Variants in IPO5 observed in about 807,000 individuals in gnomAD.
The protein encoded by IPO5 is importin 5, also known as importin-5.
A neutral mutation model predicts 143.3 loss-of-function variants in IPO5; 18 were observed. The ratio of observed to expected loss-of-function variants is 0.13; its 90% CI spans 0.09 to 0.19. IPO5 has a LOEUF of 0.19. IPO5 is among the 10% of genes least tolerant of loss of function. The pLI, the probability that IPO5 is intolerant of heterozygous loss-of-function variation, is 1.00. For missense variants in IPO5, 1,013 were observed against 1,336.9 expected, an observed-to-expected ratio of 0.76 and a Z score of 3.78; for synonymous variants, 477 against 465.7, an observed-to-expected ratio of 1.02 and a Z score of -0.31.
Position 97,980,844 on chromosome 13 carries a change from A to AAT in IPO5, c.91-1659_91-1658insAT, listed in dbSNP as rs1363636969. On this transcript the variant is annotated intron_variant, in intron 4 of 28. Coordinates refer to ENST00000651721, the MANE Select transcript of IPO5 (RefSeq NM_002271.6). ...TCTATCTCAAAAAAAAAAAAAAAAAAGTTTTTGCAAAAACTTGATTTAGAC... is the reference window on the plus strand; with the variant it reads ...TCTATCTCAAAAAAAAAAAAAAAAAAATGTTTTTGCAAAAACTTGATTTAGAC... Among the ~76,000 whole-genome samples the AAT allele has an allele frequency of 4.0e-5, 6 of 151,388 alleles. No homozygotes were observed. In the East Asian group the frequency reaches 7.8e-4, roughly 20 times the overall value.
rs756977148 is a variant in IPO5 at position 98,016,718 on chromosome 13, G to GT, written c.2494-3dup. Reference sequence around the variant, plus strand: ...AATCCATATGAGTGTTTATGTGTATGTTTTTTTTAGGATGATAATGATGTT... The same window carrying GT: ...AATCCATATGAGTGTTTATGTGTATGTTTTTTTTTAGGATGATAATGATGTT... On this transcript the variant is annotated splice_polypyrimidine_tract_variant and intron_variant, in intron 24 of 28. Coordinates refer to ENST00000651721, the MANE Select transcript of IPO5 (RefSeq NM_002271.6). 266 of 1,347,356 alleles carry GT rather than the reference G, an allele frequency of 2.0e-4. No individual in the cohort carries two copies. Among genetic ancestry groups the GT allele is most frequent in the South Asian group, 3.9e-4 (27 of 69,054 alleles). The allele number at this position is 1,347,356 out of a possible 1,614,324, so 83.5% of individuals were successfully genotyped here. A position where few individuals can be genotyped will look rare whatever the true frequency, so the allele number is the denominator to read the frequency against.
chr13:97,984,135 C>T (rs1461043817), intron 5 of IPO5, among the ~76,000 whole-genome samples: 1 of 150,216 alleles, frequency 6.7e-6, no homozygotes, highest in African/African-American at 2.4e-5. Flanking sequence ...CCCGCCACTA[C>T]GCCCGGCTAA....
chr13:98,021,750 G>T lies in IPO5; in HGVS notation c.3222G>T (p.Leu1074=). The change falls in exon 29 of 29, where the codon CTG becomes CTT. Residue 1074 remains leucine, a synonymous_variant. Coordinates refer to ENST00000651721, the MANE Select transcript of IPO5 (RefSeq NM_002271.6). ...TCTTTCCCTAGACTTCTGGAGGACTGTGGACTGAGTGCATAGCACAGCTCA... is the reference window on the plus strand; with the variant it reads ...TCTTTCCCTAGACTTCTGGAGGACTTTGGACTGAGTGCATAGCACAGCTCA... ...VVRQVQTSGG[L]WTECIAQLSP... 6.4e-7 allele frequency: 1 copy of T among 1,568,614 alleles called. No homozygotes were observed. The highest frequency in any genetic ancestry group is 8.7e-7 in the Non-Finnish European group (1 of 1,147,134).
At chr13:98,015,258 G>GTGTGTGTA (rs1555311885) in intron 22 of IPO5, among the ~76,000 whole-genome samples, 1 of 151,828 alleles carries the variant, frequency 6.6e-6, no homozygotes, top group Non-Finnish European at 1.5e-5. Flanking sequence ...GTGTGTGTGT[G>GTGTGTGTA]TGTGTGTGTG....
intron 3 of IPO5, chr13:97,975,978 G>A (rs1053305660): frequency 2.0e-6 from 2 of 985,422 alleles, no homozygotes; most frequent in Non-Finnish European, 2.4e-6. Context: ...GTCTGAAAGC[G>A]AGAAGTCCGT....
At chr13:97,992,356 AAATGT>A in intron 9 of IPO5, among the ~76,000 whole-genome samples, 1 of 152,356 alleles carries the variant, frequency 6.6e-6, no homozygotes, top group South Asian at 2.1e-4. Flanking sequence ...TGGACACTTT[AAATGT>A]ATTACAGGTT....
chr13:97,986,185 T>G (rs185033957), intron 6 of IPO5, among the ~76,000 whole-genome samples: 1 of 152,286 alleles, frequency 6.6e-6, no homozygotes, highest in Admixed American at 6.5e-5. Context: ...CAGTTACATT[T>G]TCTCCTAAAT....
Position 98,005,139 on chromosome 13 carries a change from C to T in IPO5, c.1498-991C>T, listed in dbSNP as rs566630405. On this transcript the variant is annotated intron_variant, in intron 16 of 28. Transcript: ENST00000651721. ...CTTGAACACCTGACCTCAAGTCATC[C>T]GCCCACCTGGGCCTCCCAAAGTGCT... Among the ~76,000 whole-genome samples the T allele has an allele frequency of 8.0e-5, 12 of 150,814 alleles. No individual in the cohort carries two copies. In the South Asian group the frequency reaches 1.7e-3, roughly 21 times the overall value.
chr13:98,022,374 G>A lies in IPO5; in HGVS notation c.*552G>A, dbSNP rs193230725. On this transcript the variant is annotated 3_prime_UTR_variant, in exon 29 of 29. Coordinates refer to ENST00000651721, the MANE Select transcript of IPO5 (RefSeq NM_002271.6). ...TTCTTTTTCCCAGAAGGCTTATACA[G>A]TGACTCAGTCGGGAAGCTTTCCAGC... 1 of 152,722 alleles carries A rather than the reference G, an allele frequency of 6.5e-6. No individual in the cohort carries two copies. Among genetic ancestry groups the A allele is most frequent in the East Asian group, 1.9e-4 (1 of 5,162 alleles). The allele number at this position is 152,722 out of a possible 1,614,324, so 9.5% of individuals were successfully genotyped here. A position where few individuals can be genotyped will look rare whatever the true frequency, so the allele number is the denominator to read the frequency against.
Position 98,010,153 on chromosome 13 carries a change from C to G in IPO5, c.1984C>G (p.Leu662Val). The change falls in exon 20 of 29, where the codon CTT (leucine) becomes GTT (valine). Residue 662 changes from leucine (L) to valine (V), a missense_variant. Coordinates refer to ENST00000651721, the MANE Select transcript of IPO5 (RefSeq NM_002271.6). ...SDDDGWEFVN[L>V]GDQQSFGIKT... ...TGATGATGGTTGGGAATTTGTGAAC[C>G]TTGGAGATCAGCAAAGCTTTGGTAT... The G allele has an allele frequency of 1.2e-6, 2 of 1,614,058 alleles. No homozygotes were observed. The highest frequency in any genetic ancestry group is 1.7e-6 in the Non-Finnish European group (2 of 1,179,978).
At chr13:97,961,021 A>G (rs1343684753) in intron 2 of IPO5, among the ~76,000 whole-genome samples, 3 of 152,114 alleles carry the variant, frequency 2.0e-5, no homozygotes, top group Admixed American at 6.6e-5. Flanking sequence ...GCAAGCACCA[A>G]TCTACTGTCT....
At chr13:97,965,755 T>TTGTGTGTGTGTG (rs35443379) in intron 2 of IPO5, among the ~76,000 whole-genome samples, 2 of 146,688 alleles carry the variant, frequency 1.4e-5, no homozygotes, top group Admixed American at 6.9e-5. Flanking sequence ...TTCTAATAGT[T>TTGTGTGTGTGTG]TGTGTGTGTG....
chr13:98,002,670 G>A lies in IPO5; in HGVS notation c.1234-14G>A, dbSNP rs1888906491. The stretch of plus-strand genomic sequence containing the variant: ...ACCTTCTTGCTTTTACTAATGAAAG[G>A]GAACATTTTCCAGCATCCAAGAGTA... On this transcript the variant is annotated splice_polypyrimidine_tract_variant and intron_variant, in intron 14 of 28. Coordinates refer to ENST00000651721, the MANE Select transcript of IPO5 (RefSeq NM_002271.6). 6.2e-7 allele frequency: 1 copy of A among 1,606,924 alleles called. No individual in the cohort carries two copies. The highest frequency in any genetic ancestry group is 2.2e-5 in the East Asian group (1 of 44,796).
chr13:97,992,978 T>C lies in IPO5; in HGVS notation c.756T>C (p.Arg252=). ...CAGATACTGTTCCAAAGTATTTGCG[T>C]CCTCACTTGGAAGCAACTCTACAGC... is the stretch of plus-strand genomic sequence containing the variant. ...EIADTVPKYL[R]PHLEATLQLS... Residue 252 remains arginine, a synonymous_variant, in exon 10 of 29, where the codon CGT becomes CGC. Coordinates refer to ENST00000651721, the MANE Select transcript of IPO5 (RefSeq NM_002271.6). 1 of 1,613,842 alleles carries C rather than the reference T, an allele frequency of 6.2e-7. No homozygotes were observed. The highest frequency in any genetic ancestry group is 2.2e-5 in the East Asian group (1 of 44,870).
At chr13:97,964,541 G>A (rs546581542) in intron 2 of IPO5, among the ~76,000 whole-genome samples, 48 of 147,814 alleles carry the variant, frequency 3.2e-4, no homozygotes, top group South Asian at 6.5e-4. Context: ...TCCGCCTCCC[G>A]GGTTCATGCC....
intron 26 of IPO5, 62 bp from the exon 27 acceptor site, chr13:98,019,519 A>G (rs759299451): frequency 3.3e-5 from 36 of 1,102,412 alleles, no homozygotes; most frequent in Middle Eastern, 2.0e-4. Flanking sequence ...ACAAAAATAC[A>G]TATATTCATT....
At chr13:97,977,754 C>G (rs1009795318) in intron 4 of IPO5, among the ~76,000 whole-genome samples, 17 of 152,124 alleles carry the variant, frequency 1.1e-4, no homozygotes, top group Non-Finnish European at 2.9e-5. Context: ...GGGATACTTC[C>G]AGGGGAGGGA....
At chr13:97,985,742 G>A (rs890329882) in intron 6 of IPO5, 129 bp downstream of exon 6, 10 of 676,318 alleles carry the variant, frequency 1.5e-5, no homozygotes, top group Non-Finnish European at 2.5e-5. Flanking sequence ...TAAAATGAAT[G>A]TGCTTATGGA....
intron 23 of IPO5, 42 bp downstream of exon 23, chr13:98,015,683 C>T (rs1890077860): frequency 6.3e-7 from 1 of 1,580,302 alleles, no homozygotes; most frequent in Non-Finnish European, 8.7e-7. Flanking sequence ...AATCCTTGAC[C>T]ATCTTGGCAA....
Sources: allele counts gnomAD v4.1 joint callset (sites outside exome capture counted in the v4.1 genomes callset), GRCh38; gene constraint gnomAD v4.1.1; transcripts MANE v1.5; gene names NCBI Gene and HGNC (gene_info 2026-07-23, HGNC 2026-07-21).